Variants in MYBL2 observed in about 807,000 individuals in gnomAD.
MYBL2 encodes the protein MYB proto-oncogene like 2.
MYBL2 carries 28 observed loss-of-function variants against 79.9 expected under a neutral mutation model. The ratio of observed to expected loss-of-function variants is 0.35; its 90% CI spans 0.26 to 0.48. MYBL2 has a LOEUF of 0.48. Ranked by LOEUF, MYBL2 falls within the 20% of genes least tolerant of loss-of-function variation. The pLI is 0.99. For missense variants in MYBL2, 735 were observed against 893.9 expected, an observed-to-expected ratio of 0.82 and a Z score of 2.27; for synonymous variants, 378 against 361.2, an observed-to-expected ratio of 1.05 and a Z score of -0.53.
In MYBL2 at chr20:43,710,551, T is replaced by C. The variant is rs141664257; in HGVS notation, c.1605+489T>C. Among the ~76,000 whole-genome samples, 301 of 152,256 alleles carry C rather than the reference T, an allele frequency of 2.0e-3. 1 individual carries two copies. Among genetic ancestry groups the C allele is most frequent in the African/African-American group, 6.9e-3 (285 of 41,540 alleles). ...GTTGATGGGATGGTTGTGTTTTCTC[T>C]ATGAAAAAAGGAGTTGGCACCTTGG... On this transcript the variant is annotated intron_variant, in intron 10 of 13. Transcript: ENST00000217026.
chr20:43,699,644 A>G (rs1023515597), intron 6 of MYBL2, 113 bp from the exon 7 acceptor site: 2 of 1,110,874 alleles, frequency 1.8e-6, no homozygotes, highest in Non-Finnish European at 2.6e-6. Context: ...ATGTTTCTCT[A>G]TTTGGGTTCA....
At chr20:43,685,621 T>C (rs1987254162) in intron 4 of MYBL2, among the ~76,000 whole-genome samples, 1 of 152,086 alleles carries the variant, frequency 6.6e-6, no homozygotes, top group Non-Finnish European at 1.5e-5. Context: ...GCCAGGTGTC[T>C]TGGTGTGCCT....
intron 7 of MYBL2, among the ~76,000 whole-genome samples, chr20:43,701,226 G>T (rs1432135790): frequency 6.6e-6 from 1 of 152,206 alleles, no homozygotes; most frequent in Non-Finnish European, 1.5e-5. Context: ...TGCGTGTGTG[G>T]AAATCCCATC....
At chr20:43,677,162 A>G (rs1987031908) in intron 2 of MYBL2, among the ~76,000 whole-genome samples, 1 of 151,228 alleles carries the variant, frequency 6.6e-6, no homozygotes, top group Admixed American at 6.6e-5. Flanking sequence ...TGGACCAGGG[A>G]CTATATTTGG....
At chr20:43,674,862 A>T (rs1986967896) in intron 2 of MYBL2, among the ~76,000 whole-genome samples, 1 of 152,190 alleles carries the variant, frequency 6.6e-6, no homozygotes, top group South Asian at 2.1e-4. Flanking sequence ...AAAATAATTA[A>T]CTGTATTGAA....
intron 9 of MYBL2, among the ~76,000 whole-genome samples, chr20:43,708,343 T>C (rs1987834872): frequency 6.6e-6 from 1 of 152,142 alleles, no homozygotes; most frequent in Admixed American, 6.6e-5. Flanking sequence ...CAAGCAATCC[T>C]TCCGCCTCAG....
At chr20:43,675,775 G>GTA (rs1986992995) in intron 2 of MYBL2, among the ~76,000 whole-genome samples, 1 of 151,534 alleles carries the variant, frequency 6.6e-6, no homozygotes, top group Non-Finnish European at 1.5e-5. Flanking sequence ...GTGTGTGTGT[G>GTA]TGTGTGTGTG....
At chr20:43,713,921 G>A (rs1021796499) in intron 12 of MYBL2, among the ~76,000 whole-genome samples, 6 of 152,274 alleles carry the variant, frequency 3.9e-5, no homozygotes, top group African/African-American at 1.4e-4. Flanking sequence ...TGGGGAGGCG[G>A]TGAGAGGCAT....
chr20:43,715,067 G>A lies in MYBL2; in HGVS notation c.1825-67G>A, dbSNP rs532329071. On this transcript the variant is annotated intron_variant, in intron 12 of 13. Transcript: ENST00000217026. ...GGTGGTGGTGCTGGGGTGGGATTGC[G>A]GGTTTTTTTCTTCCCTCTCACAGCT... is the stretch of plus-strand genomic sequence containing the variant. The A allele has an allele frequency of 4.8e-4, 756 of 1,588,868 alleles. 1 individual carries two copies. In the African/African-American group the frequency reaches 4.8e-3, roughly 10 times the overall value.
At position 43,667,207 on chromosome 20, in the gene MYBL2, G is replaced by C; in HGVS notation, c.-77G>C. On this transcript the variant is annotated 5_prime_UTR_variant, in exon 1 of 14. Coordinates refer to ENST00000217026, the MANE Select transcript of MYBL2 (RefSeq NM_002466.4). Reference sequence around the variant, plus strand: ...GGCCCGGAGCGGCCGGAGCAGCCCGGGTCCTGACCCCGGCCCGGCTCCCGC... The same window carrying C: ...GGCCCGGAGCGGCCGGAGCAGCCCGCGTCCTGACCCCGGCCCGGCTCCCGC... The C allele has an allele frequency of 9.1e-7, 1 of 1,098,684 alleles. No homozygotes were observed. The allele number at this position is 1,098,684 out of a possible 1,614,324, so 68.1% of individuals were successfully genotyped here.
intron 10 of MYBL2, among the ~76,000 whole-genome samples, chr20:43,710,550 C>T (rs1379750409): frequency 6.6e-6 from 1 of 152,156 alleles, no homozygotes; most frequent in Non-Finnish European, 1.5e-5. Context: ...TGTGTTTTCT[C>T]TATGAAAAAA....
chr20:43,707,363 C>T (rs1302169533), intron 9 of MYBL2, among the ~76,000 whole-genome samples: 1 of 152,124 alleles, frequency 6.6e-6, no homozygotes, highest in Non-Finnish European at 1.5e-5. Context: ...ACTTCTCTCT[C>T]TCCCTTTCTT....
intron 6 of MYBL2, 96 bp downstream of exon 6, chr20:43,692,415 G>A (rs1987435013): frequency 1.3e-6 from 2 of 1,492,700 alleles, no homozygotes; most frequent in South Asian, 2.6e-5. Context: ...GTCAGTTTCT[G>A]CCACAGAGTC....
At chr20:43,674,045 C>T in intron 2 of MYBL2, 146 bp downstream of exon 2, 1 of 732,274 alleles carries the variant, frequency 1.4e-6, no homozygotes, top group Non-Finnish European at 2.4e-6. Flanking sequence ...GTCCTCATGC[C>T]TCTTCTCAGA....
chr20:43,714,815 G>A (rs1987990554), intron 12 of MYBL2, among the ~76,000 whole-genome samples: 1 of 152,136 alleles, frequency 6.6e-6, no homozygotes, highest in African/African-American at 2.4e-5. Context: ...GTTTTTAGTA[G>A]AGACGGGGTT....
In MYBL2 at chr20:43,702,825, T is replaced by C; in HGVS notation, c.1287T>C (p.Ser429=). The C allele has an allele frequency of 6.2e-7, 1 of 1,613,982 alleles. No individual in the cohort carries two copies. Among genetic ancestry groups the C allele is most frequent in the Non-Finnish European group, 8.5e-7 (1 of 1,179,850 alleles). ...ALSPVTENST[S]LSFLDSCNSL... ...CCCCTGTCACTGAGAATAGCACCAG[T>C]CTGTCCTTCCTGGATTCCTGTAACA... Residue 429 remains serine, a synonymous_variant, in exon 8 of 14, where the codon AGT becomes AGC. Transcript: ENST00000217026.
At chr20:43,671,524 G>T (rs1185968485) in intron 1 of MYBL2, among the ~76,000 whole-genome samples, 2 of 137,920 alleles carry the variant, frequency 1.5e-5, no homozygotes, top group African/African-American at 5.6e-5. Flanking sequence ...CCAGGCTAGA[G>T]TGCAATGGCT....
At chr20:43,682,291 C>T (rs1987161198) in intron 3 of MYBL2, among the ~76,000 whole-genome samples, 2 of 150,104 alleles carry the variant, frequency 1.3e-5, no homozygotes, top group South Asian at 2.1e-4. Flanking sequence ...AGGGGGTTCC[C>T]CTCAGGACCT....
intron 6 of MYBL2, among the ~76,000 whole-genome samples, chr20:43,697,849 A>T (rs959910306): frequency 6.7e-6 from 1 of 150,372 alleles, no homozygotes; most frequent in African/African-American, 2.5e-5. Context: ...TGGGAGGTGG[A>T]GCTTGCAGTG....
Sources: allele counts gnomAD v4.1 joint callset (sites outside exome capture counted in the v4.1 genomes callset), GRCh38; gene constraint gnomAD v4.1.1; transcripts MANE v1.5; gene names NCBI Gene and HGNC (gene_info 2026-07-23, HGNC 2026-07-21).